STMND1: variants seen among roughly 807,000 people sequenced by gnomAD.
The protein encoded by STMND1 is stathmin domain-containing protein 1.
In STMND1, 17 loss-of-function variants were observed where a neutral mutation model predicts 23.0. The observed-to-expected ratio is 0.74, with a 90% CI of 0.51 to 1.11. The LOEUF (loss-of-function observed/expected upper bound fraction) is 1.11, where lower values mean the gene tolerates loss of function less well. Among genes scored for constraint, STMND1 ranks in the 50% least tolerant of loss-of-function variants. The pLI, the probability that STMND1 is intolerant of heterozygous loss-of-function variation, is 0.00. For synonymous variants in STMND1, 114 were observed against 119.9 expected, an observed-to-expected ratio of 0.95 and a Z score of 0.32; for missense variants, 305 against 329.1, an observed-to-expected ratio of 0.93 and a Z score of 0.57.
intron 1 of STMND1, 38 bp downstream of exon 1, chr6:17,102,376 A>T (rs1480842650): frequency 6.5e-7 from 1 of 1,534,148 alleles, no homozygotes; most frequent in East Asian, 2.4e-5. Context: ...ACAAACAGAC[A>T]GAAAGCCTTT....
intron 1 of STMND1, among the ~76,000 whole-genome samples, chr6:17,108,775 C>A (rs565545727): frequency 1.2e-3 from 178 of 150,500 alleles, no homozygotes; most frequent in African/African-American, 3.9e-3. Flanking sequence ...CGGCTCACTG[C>A]AACCTCCGCC....
intron 1 of STMND1, among the ~76,000 whole-genome samples, chr6:17,109,178 C>T (rs1761066690): frequency 6.6e-6 from 1 of 152,100 alleles, no homozygotes; most frequent in South Asian, 2.1e-4. Flanking sequence ...TCTCTTTGTG[C>T]CAATTCCCAT....
intron 1 of STMND1, 37 bp downstream of exon 1, chr6:17,102,375 CAG>C (rs1561920286): frequency 6.5e-7 from 1 of 1,531,682 alleles, no homozygotes; most frequent in Admixed American, 2.0e-5. Flanking sequence ...AACAAACAGA[CAG>C]AAAGCCTTTT....
rs540436887 is a variant in STMND1 at position 17,120,283 on chromosome 6, G to A, written c.260-324G>A. On this transcript the variant is annotated intron_variant, in intron 2 of 4. Transcript: ENST00000536551. Reference sequence around the variant, plus strand: ...CTGTGGTTTAGCTTCATAATTGGTCGAGCAAACCAACGTTGTCGTACCCAA... The same window carrying A: ...CTGTGGTTTAGCTTCATAATTGGTCAAGCAAACCAACGTTGTCGTACCCAA... Among the ~76,000 whole-genome samples, 12 of 152,246 alleles carry A rather than the reference G, an allele frequency of 7.9e-5. No homozygotes were observed. In the South Asian group the frequency reaches 1.2e-3, roughly 16 times the overall value.
chr6:17,109,455 C>T (rs932552116), intron 1 of STMND1, among the ~76,000 whole-genome samples: 6 of 152,186 alleles, frequency 3.9e-5, no homozygotes, highest in Admixed American at 3.3e-4. Context: ...TACTTAGCCT[C>T]TGAGGAACTT....
intron 1 of STMND1, among the ~76,000 whole-genome samples, chr6:17,114,136 A>G (rs1215267584): frequency 6.6e-6 from 1 of 152,222 alleles, no homozygotes; most frequent in Admixed American, 6.5e-5. Flanking sequence ...ATTGTAATAT[A>G]TAATGAAATA....
intron 2 of STMND1, among the ~76,000 whole-genome samples, chr6:17,117,659 G>T (rs1212986382): frequency 6.9e-6 from 1 of 145,090 alleles, no homozygotes; most frequent in Non-Finnish European, 1.5e-5. Context: ...GATTGGATTT[G>T]GGTTACGCTT....
intron 1 of STMND1, among the ~76,000 whole-genome samples, chr6:17,114,265 C>CT (rs529561200): frequency 0.065 from 9,090 of 140,178 alleles, 470 homozygotes; most frequent in African/African-American, 0.14. Context: ...ATTAGATTCT[C>CT]TTTTTTTTTT....
At chr6:17,108,382 C>T (rs538949674) in intron 1 of STMND1, among the ~76,000 whole-genome samples, 88 of 152,246 alleles carry the variant, frequency 5.8e-4, no homozygotes, top group Admixed American at 2.0e-3. Flanking sequence ...TTGTTACTAT[C>T]GTTAAATCAT....
chr6:17,114,265 CT>C (rs529561200), intron 1 of STMND1, among the ~76,000 whole-genome samples: 18,892 of 140,074 alleles, frequency 0.13, 1,164 homozygotes, highest in Non-Finnish European at 0.16. Flanking sequence ...ATTAGATTCT[CT>C]TTTTTTTTTT....
At chr6:17,117,667 CTTT>C (rs34107338) in intron 2 of STMND1, among the ~76,000 whole-genome samples, 10 of 49,560 alleles carry the variant, frequency 2.0e-4, no homozygotes, top group African/African-American at 5.2e-4. Context: ...TTGGGTTACG[CTTT>C]TTTTTTTTTT....
At position 17,102,120 on chromosome 6, in the gene STMND1, G is replaced by A. The variant is rs1028571067; in HGVS notation, c.-138G>A. On this transcript the variant is annotated 5_prime_UTR_variant, in exon 1 of 5. The change creates a new upstream start codon in the 5' untranslated region. Coordinates refer to ENST00000536551, the MANE Select transcript of STMND1 (RefSeq NM_001190766.2). Reference sequence around the variant, plus strand: ...TAAGCGCGGGAAGTGGGAGAGGCGGGTGGCGCCCGAGCGCAGTAGCAGGGG... The same window carrying A: ...TAAGCGCGGGAAGTGGGAGAGGCGGATGGCGCCCGAGCGCAGTAGCAGGGG... The A allele has an allele frequency of 2.5e-6, 2 of 792,234 alleles. No homozygotes were observed. Among genetic ancestry groups the A allele is most frequent in the African/African-American group, 1.8e-5 (1 of 54,722 alleles). 49.1% of individuals were successfully genotyped at this position (792,234 alleles called of 1,614,324 possible).
chr6:17,110,967 G>A (rs1000616400), intron 1 of STMND1: 10 of 443,170 alleles, frequency 2.3e-5, no homozygotes, highest in African/African-American at 1.8e-4. Context: ...GCCAGCACCT[G>A]GAGAGAGAAG....
intron 3 of STMND1, among the ~76,000 whole-genome samples, chr6:17,126,034 T>TTTTTTATATATATATATA (rs1348334184): frequency 2.4e-5 from 1 of 42,008 alleles, no homozygotes; most frequent in African/African-American, 1.3e-4. Context: ...GATCATTGTT[T>TTTTTTATATATATATATA]TATATATATA....
chr6:17,120,541 C>A (rs1761219310), intron 2 of STMND1, 66 bp from the exon 3 acceptor site: 3 of 1,292,326 alleles, frequency 2.3e-6, no homozygotes, highest in Non-Finnish European at 3.1e-6. Flanking sequence ...ATCCGTTTAG[C>A]ATTTGATTGA....
intron 2 of STMND1, among the ~76,000 whole-genome samples, chr6:17,118,121 G>C (rs777506144): frequency 2.0e-5 from 3 of 150,862 alleles, no homozygotes; most frequent in Non-Finnish European, 4.4e-5. Context: ...ATTTATAAAT[G>C]TTTAAAATTC....
chr6:17,108,969 T>G (rs1029106428), intron 1 of STMND1, among the ~76,000 whole-genome samples: 1 of 152,192 alleles, frequency 6.6e-6, no homozygotes, highest in Non-Finnish European at 1.5e-5. Context: ...TTTCCTTTTC[T>G]TTTGTTATAT....
chr6:17,116,016 A>G (rs1406005193), intron 2 of STMND1, among the ~76,000 whole-genome samples: 2 of 152,124 alleles, frequency 1.3e-5, no homozygotes, highest in African/African-American at 4.8e-5. Flanking sequence ...CCTCCCTTCT[A>G]TGTGTTAGGT....
At position 17,130,829 on chromosome 6, in the gene STMND1, G is replaced by T; in HGVS notation, c.779G>T (p.Gly260Val). ...AGAAACGAAAGTGATGAAAGTTTTG[G>T]GGTCGTGGAGTCAGACATGTCCTAC... ...IDRNESDESFGVVESDMSYNQ... is the reference protein window; with the variant it reads ...IDRNESDESFVVVESDMSYNQ... Residue 260 changes from glycine to valine, a missense_variant, in exon 5 of 5, where the codon GGG (glycine) becomes GTG (valine). Transcript: ENST00000536551. 6.5e-7 allele frequency: 1 copy of T among 1,535,776 alleles called. No homozygotes were observed. Among genetic ancestry groups the T allele is most frequent in the Non-Finnish European group, 8.7e-7 (1 of 1,146,812 alleles).
Sources: allele counts gnomAD v4.1 joint callset (sites outside exome capture counted in the v4.1 genomes callset), GRCh38; gene constraint gnomAD v4.1.1; transcripts MANE v1.5; gene names NCBI Gene and HGNC (gene_info 2026-07-23, HGNC 2026-07-21).